Variants in RARB observed in about 807,000 individuals in gnomAD.
The protein encoded by RARB is retinoic acid receptor beta.
Under a neutral mutation model 51.9 loss-of-function variants are expected in RARB, and 17 were observed. The observed-to-expected ratio is 0.33, with a 90% CI of 0.22 to 0.49. RARB has a LOEUF of 0.49. Ranked by LOEUF, RARB falls within the 20% of genes least tolerant of loss-of-function variation. The pLI is 0.99. For synonymous variants in RARB, 215 were observed against 195.4 expected, an observed-to-expected ratio of 1.10 and a Z score of -0.84; for missense variants, 369 against 550.8, an observed-to-expected ratio of 0.67 and a Z score of 3.30.
chr3:25,040,723 A>T (rs1698095131), intron 2 of RARB, among the ~76,000 whole-genome samples: 1 of 152,194 alleles, frequency 6.6e-6, no homozygotes, highest in Non-Finnish European at 1.5e-5. Context: ...ACTGTGCTTC[A>T]GCCTGGGTGA....
intron 5 of RARB, among the ~76,000 whole-genome samples, chr3:25,335,859 C>T (rs1351819115): frequency 6.6e-6 from 1 of 152,184 alleles, no homozygotes; most frequent in African/African-American, 2.4e-5. Flanking sequence ...TACAGGAGAA[C>T]ATGTAAAGCA....
At chr3:24,890,839 C>T (rs923958949) in intron 2 of RARB, among the ~76,000 whole-genome samples, 1 of 150,606 alleles carries the variant, frequency 6.6e-6, no homozygotes, top group African/African-American at 2.5e-5. Flanking sequence ...AATGAGGGCT[C>T]TGGAGTAATA....
chr3:25,408,990 C>T (rs573829184), intron 5 of RARB, among the ~76,000 whole-genome samples: 3 of 152,204 alleles, frequency 2.0e-5, no homozygotes, highest in Non-Finnish European at 4.4e-5. Context: ...GCCGAGATTG[C>T]GCCACTGCAC....
At chr3:24,896,328 C>T (rs934503224) in intron 2 of RARB, among the ~76,000 whole-genome samples, 2 of 152,070 alleles carry the variant, frequency 1.3e-5, no homozygotes, top group Admixed American at 6.5e-5. Flanking sequence ...GGCGTGATCT[C>T]GGCTCACTGC....
In RARB at chr3:25,146,016, T is replaced by A. The variant is rs1700183167; in HGVS notation, c.-280+13808T>A. ...AAAACTTCATCTAAAAAAAAAAAAA[T>A]TCATGCCTAAGAGACATACTGATTC... On this transcript the variant is annotated intron_variant, in intron 4 of 11. Coordinates refer to the RARB transcript ENST00000383772. Among the ~76,000 whole-genome samples, 6 of 145,216 alleles carry A rather than the reference T, an allele frequency of 4.1e-5. No homozygotes were observed. In the South Asian group the frequency reaches 1.1e-3, roughly 27 times the overall value.
chr3:25,003,946 C>T (rs1185056023), intron 2 of RARB, among the ~76,000 whole-genome samples: 1 of 152,106 alleles, frequency 6.6e-6, no homozygotes, highest in African/African-American at 2.4e-5. Flanking sequence ...AGATTGGCCT[C>T]ATCAGAGCAT....
chr3:25,344,185 A>T (rs919175624), intron 5 of RARB, among the ~76,000 whole-genome samples: 1 of 152,200 alleles, frequency 6.6e-6, no homozygotes, highest in African/African-American at 2.4e-5. Context: ...ATGCAATCTT[A>T]TTTGAAATGA....
intron 3 of RARB, among the ~76,000 whole-genome samples, chr3:25,532,050 T>C (rs1698950911): frequency 6.6e-6 from 1 of 152,162 alleles, no homozygotes; most frequent in Admixed American, 6.6e-5. Flanking sequence ...GCTGAAATAA[T>C]GGTTCTATAC....
chr3:24,993,166 C>T (rs891277471), intron 2 of RARB, among the ~76,000 whole-genome samples: 2 of 152,038 alleles, frequency 1.3e-5, no homozygotes. Context: ...ACAAACATGA[C>T]ATGATGATTC....
At chr3:25,379,639 G>C (rs1275890941) in intron 5 of RARB, among the ~76,000 whole-genome samples, 1 of 152,184 alleles carries the variant, frequency 6.6e-6, no homozygotes, top group African/African-American at 2.4e-5. Context: ...TATTTGCCTT[G>C]GAGAGGTTAG....
At chr3:25,170,517 C>A (rs926183244) in intron 4 of RARB, among the ~76,000 whole-genome samples, 6 of 152,114 alleles carry the variant, frequency 3.9e-5, no homozygotes, top group African/African-American at 1.4e-4. Context: ...CTGAGGGACC[C>A]ACTTTGAGAA....
chr3:25,258,738 T>C (rs1702927352), intron 5 of RARB, among the ~76,000 whole-genome samples: 1 of 152,132 alleles, frequency 6.6e-6, no homozygotes, highest in South Asian at 2.1e-4. Flanking sequence ...GGAGAGGGCT[T>C]TATGCTACCT....
At chr3:25,258,456 A>G (rs764271574) in intron 5 of RARB, among the ~76,000 whole-genome samples, 1 of 152,124 alleles carries the variant, frequency 6.6e-6, no homozygotes, top group Non-Finnish European at 1.5e-5. Context: ...TGCTTGATGA[A>G]ATGATTCTGA....
At chr3:25,254,928 T>G (rs1315617469) in intron 5 of RARB, among the ~76,000 whole-genome samples, 2 of 152,202 alleles carry the variant, frequency 1.3e-5, no homozygotes, top group Non-Finnish European at 2.9e-5. Context: ...CAACTGGTTT[T>G]TCCTTCTCTG....
At chr3:25,501,373 T>C (rs1337954099) in intron 3 of RARB, 50 bp downstream of exon 3, 1 of 1,593,384 alleles carries the variant, frequency 6.3e-7, no homozygotes. Flanking sequence ...ATCTCTGTGA[T>C]TTGCTCACCT....
At chr3:25,567,044 C>A (rs1006025401) in intron 3 of RARB, among the ~76,000 whole-genome samples, 2 of 152,198 alleles carry the variant, frequency 1.3e-5, no homozygotes, top group African/African-American at 4.8e-5. Flanking sequence ...TTTAATGTAG[C>A]TGTAGGTGTC....
At chr3:25,300,485 GAGGCAC>G (rs1559349385) in intron 5 of RARB, among the ~76,000 whole-genome samples, 1 of 152,186 alleles carries the variant, frequency 6.6e-6, no homozygotes, top group Non-Finnish European at 1.5e-5. Context: ...ATCCATTGAA[GAGGCAC>G]AGGGACAGGG....
intron 1 of RARB, among the ~76,000 whole-genome samples, chr3:24,842,842 T>A (rs992176845): frequency 2.6e-5 from 4 of 152,210 alleles, no homozygotes; most frequent in Admixed American, 2.6e-4. Context: ...TGAAACCCAA[T>A]ATATTTTGAA....
In RARB at chr3:25,494,253, G is replaced by GCACGCGCGCGCACT. The variant is rs1553623182; in HGVS notation, c.307-6926_307-6925insGCGCGCGCACTCAC. Among the ~76,000 whole-genome samples, 6 of 131,962 alleles carry GCACGCGCGCGCACT rather than the reference G, an allele frequency of 4.5e-5. 1 individual carries two copies. The highest frequency in any genetic ancestry group is 2.0e-4 in the East Asian group (1 of 4,912). The allele number at this position is 131,962 out of a possible 152,430, so 86.6% of individuals were successfully genotyped here. On this transcript the variant is annotated intron_variant, in intron 2 of 7. Transcript: ENST00000330688. ...GCCCCCTTTTCCAGCTGTATCTTAC[G>GCACGCGCGCGCACT]CACACACACACACACACACACACAC...
Sources: gnomAD v4.1 joint callset for allele counts (sites outside exome capture counted in the v4.1 genomes callset) on GRCh38, gnomAD v4.1.1 for gene constraint, MANE v1.5 for transcripts, NCBI Gene and HGNC (gene_info 2026-07-23, HGNC 2026-07-21) for gene names.